DNAH11: variants seen among roughly 807,000 people sequenced by gnomAD.
DNAH11 encodes dynein axonemal heavy chain 11.
A neutral mutation model predicts 526.0 loss-of-function variants in DNAH11; 442 were observed. The ratio of observed to expected loss-of-function variants is 0.84; its 90% confidence interval spans 0.78 to 0.91. DNAH11 has a LOEUF of 0.91. DNAH11 is among the 40% of genes least tolerant of loss of function. DNAH11 has a pLI of 0.00. For missense variants in DNAH11, 6,989 were observed against 5,448.7 expected (o/e 1.28, Z -8.90); for synonymous variants, 2,461 against 1,935.9 (o/e 1.27, Z -7.12).
At chr7:21,789,172 C>A in intron 60 of DNAH11, 69 bp from the exon 61 acceptor site, 1 of 1,100,658 alleles carries the variant, frequency 9.1e-7, no homozygotes. Flanking sequence ...AATTGTAAAG[C>A]ATCCATCCTA....
intron 66 of DNAH11, among the ~76,000 whole-genome samples, chr7:21,844,090 C>T (rs370195369): frequency 2.6e-5 from 4 of 152,108 alleles, no homozygotes; most frequent in African/African-American, 7.2e-5. Context: ...CTAATTTGGC[C>T]TGCCACCTCT....
Position 21,591,531 on chromosome 7 carries a change from A to G in DNAH11, c.2621A>G (p.Tyr874Cys), listed in dbSNP as rs776675487. 3 of 1,596,846 alleles carry G rather than the reference A, an allele frequency of 1.9e-6. No homozygotes were observed. Among genetic ancestry groups the G allele is most frequent in the Non-Finnish European group, 1.7e-6 (2 of 1,167,822 alleles). The change falls in exon 14 of 82, where the codon TAC becomes TGC. Residue 874 changes from tyrosine (Y) to cysteine (C), a missense_variant. By Grantham distance (194) the Tyr-to-Cys change is radical (BLOSUM62 -2). Transcript: ENST00000409508. ...EDKGDLFTKKYKLIQGDGCKI... is the reference protein window; with the variant it reads ...EDKGDLFTKKCKLIQGDGCKI... ...AAGGGTGATTTGTTTACAAAAAAAT[A>G]CAAGTTAATCCAAGGAGATGGCTGC...
intron 54 of DNAH11, among the ~76,000 whole-genome samples, chr7:21,762,507 G>T (rs1218691562): frequency 1.3e-5 from 2 of 152,098 alleles, no homozygotes; most frequent in South Asian, 4.1e-4. Context: ...TGGGAAGAAA[G>T]GAGAAATATT....
At chr7:21,566,577 G>A (rs987784480) in intron 6 of DNAH11, among the ~76,000 whole-genome samples, 7 of 148,190 alleles carry the variant, frequency 4.7e-5, no homozygotes, top group African/African-American at 1.0e-4. Flanking sequence ...TATGACGTAG[G>A]TATTATTAGT....
chr7:21,783,110 TCA>T (rs1389865320), intron 57 of DNAH11, among the ~76,000 whole-genome samples: 9 of 152,142 alleles, frequency 5.9e-5, no homozygotes, highest in Non-Finnish European at 1.0e-4. Flanking sequence ...ACTCCTTCAC[TCA>T]CATAAACTCT....
intron 65 of DNAH11, among the ~76,000 whole-genome samples, chr7:21,831,602 C>T (rs368241386): frequency 1.3e-3 from 200 of 152,234 alleles, no homozygotes; most frequent in Middle Eastern, 6.8e-3. Context: ...CATCCTCCCC[C>T]CCTCTATTAA....
chr7:21,898,267 C>T (rs111278558), intron 79 of DNAH11, among the ~76,000 whole-genome samples: 1 of 152,112 alleles, frequency 6.6e-6, no homozygotes, highest in Admixed American at 6.5e-5. Flanking sequence ...TTCTTATCGT[C>T]GAGTATGCTT....
chr7:21,565,950 C>A (rs558358066), intron 6 of DNAH11, among the ~76,000 whole-genome samples: 40 of 152,308 alleles, frequency 2.6e-4, no homozygotes, highest in African/African-American at 9.4e-4. Context: ...TGGGCAAACT[C>A]AGTTTTGCCC....
chr7:21,699,258 A>C (rs1783969318), intron 36 of DNAH11, among the ~76,000 whole-genome samples: 1 of 152,092 alleles, frequency 6.6e-6, no homozygotes, highest in African/African-American at 2.4e-5. Context: ...TTTGTGCTCT[A>C]CAATTTCCTT....
intron 35 of DNAH11, among the ~76,000 whole-genome samples, chr7:21,695,891 G>A (rs1283174470): frequency 6.6e-6 from 1 of 151,126 alleles, no homozygotes; most frequent in Non-Finnish European, 1.5e-5. Flanking sequence ...AAATTTAGAA[G>A]GAAAAAAAAA....
chr7:21,557,258 G>T (rs56356943), intron 2 of DNAH11, among the ~76,000 whole-genome samples: 1 of 151,906 alleles, frequency 6.6e-6, no homozygotes. Flanking sequence ...TTTCCTACAA[G>T]CACCATACTC....
chr7:21,797,953 A>C (rs1030219798), intron 61 of DNAH11, among the ~76,000 whole-genome samples: 2 of 152,244 alleles, frequency 1.3e-5, no homozygotes, highest in Non-Finnish European at 2.9e-5. Context: ...ATTAAGACAC[A>C]TTTTATTCCA....
chr7:21,554,172 T>C (rs1783132109), intron 2 of DNAH11, among the ~76,000 whole-genome samples: 1 of 52,890 alleles, frequency 1.9e-5, no homozygotes, highest in South Asian at 6.9e-4. Flanking sequence ...TCTCTGGGAT[T>C]TTTTTTTTTT....
At position 21,744,714 on chromosome 7, in the gene DNAH11, T is replaced by C. The variant is rs527540120; in HGVS notation, c.8316+115T>C. 1.8e-5 allele frequency: 26 copies of C among 1,450,344 alleles called. No individual in the cohort carries two copies. In the East Asian group the frequency reaches 5.7e-4, roughly 32 times the overall value. 89.8% of individuals were successfully genotyped at this position (1,450,344 alleles called of 1,614,324 possible). A position where few individuals can be genotyped will look rare whatever the true frequency, so the allele number is the denominator to read the frequency against. On this transcript the variant is annotated intron_variant, in intron 50 of 81. Coordinates refer to ENST00000409508, the MANE Select transcript of DNAH11 (RefSeq NM_001277115.2). ...CAAGGGCTTACCTTTTTGCAATGGC[T>C]GTGAATCCAGAATACACTTGGTCTA...
At position 21,608,417 on chromosome 7, in the gene DNAH11, C is replaced by A. The variant is rs1451647487; in HGVS notation, c.3852+1684C>A. Among the ~76,000 whole-genome samples the A allele has an allele frequency of 2.0e-5, 3 of 152,212 alleles. No homozygotes were observed. The East Asian group carries it at 5.8e-4, about 29-fold the overall frequency. Reference sequence around the variant, plus strand: ...CACCTTTCTGAGTTGCTCATCTAGCCTGTCACCCTGATTTCATTTCATGCT... The same window carrying A: ...CACCTTTCTGAGTTGCTCATCTAGCATGTCACCCTGATTTCATTTCATGCT... On this transcript the variant is annotated intron_variant, in intron 20 of 81. Transcript: ENST00000409508.
intron 35 of DNAH11, among the ~76,000 whole-genome samples, chr7:21,692,071 C>T (rs1002688885): frequency 3.9e-5 from 6 of 152,124 alleles, no homozygotes; most frequent in African/African-American, 1.4e-4. Context: ...TAATTTAAGT[C>T]AACTTCATTC....
chr7:21,656,983 G>A (rs960004817), intron 29 of DNAH11, among the ~76,000 whole-genome samples: 4 of 152,128 alleles, frequency 2.6e-5, no homozygotes, highest in Admixed American at 1.3e-4. Context: ...ACTGCTCACC[G>A]ACTGGCATGA....
At chr7:21,627,928 G>A (rs1478666671) in intron 25 of DNAH11, among the ~76,000 whole-genome samples, 2 of 151,888 alleles carry the variant, frequency 1.3e-5, no homozygotes, top group Admixed American at 6.6e-5. Context: ...TCTGTTTTTT[G>A]TGTGTGTCTT....
intron 58 of DNAH11, among the ~76,000 whole-genome samples, chr7:21,786,076 T>A (rs965034905): frequency 3.3e-5 from 5 of 152,202 alleles, no homozygotes; most frequent in African/African-American, 9.6e-5. Context: ...TGGCATCACC[T>A]GAGGAGACAA....
Sources: allele counts gnomAD v4.1 joint callset (sites outside exome capture counted in the v4.1 genomes callset), GRCh38; gene constraint gnomAD v4.1.1; transcripts MANE v1.5; gene names NCBI Gene and HGNC (gene_info 2026-07-23, HGNC 2026-07-21).